Variants in AGBL4 observed in about 807,000 individuals in gnomAD.
AGBL4 encodes AGBL carboxypeptidase 4, also known as cytosolic carboxypeptidase 6.
In AGBL4, 58 loss-of-function variants were observed where a neutral mutation model predicts 66.4. That is an observed-to-expected ratio of 0.87 (90% CI 0.71 to 1.09). The LOEUF (loss-of-function observed/expected upper bound fraction) is 1.09. Ranked by LOEUF, AGBL4 falls within the 50% of genes least tolerant of loss-of-function variation. The probability of loss-of-function intolerance (pLI) is 0.00; values close to 1 mark genes in which losing one functional copy is unlikely to be tolerated. For synonymous variants in AGBL4, 234 were observed against 222.9 expected (o/e 1.05, Z -0.44); for missense variants, 579 against 631.0 (o/e 0.92, Z 0.88).
chr1:49,235,570 G>C (rs1034337747), intron 4 of AGBL4, among the ~76,000 whole-genome samples: 1 of 152,182 alleles, frequency 6.6e-6, no homozygotes, highest in African/African-American at 2.4e-5. Context: ...ATATCTTCTA[G>C]ATTCTATTTC....
chr1:48,744,385 A>G (rs1181832253), intron 6 of AGBL4, among the ~76,000 whole-genome samples: 2 of 152,230 alleles, frequency 1.3e-5, no homozygotes, highest in African/African-American at 4.8e-5. Context: ...AAACAAATTC[A>G]AGTGGAGCAT....
intron 2 of AGBL4, among the ~76,000 whole-genome samples, chr1:49,797,882 G>A (rs1283416640): frequency 6.6e-6 from 1 of 151,752 alleles, no homozygotes; most frequent in African/African-American, 2.4e-5. Flanking sequence ...TCTTGTCTCA[G>A]CCTCCTGAAT....
intron 11 of AGBL4, among the ~76,000 whole-genome samples, chr1:48,545,509 C>G (rs905398869): frequency 6.6e-6 from 1 of 152,138 alleles, no homozygotes; most frequent in Admixed American, 6.5e-5. Context: ...CAATAATTCT[C>G]TTGGCTGGAA....
At chr1:49,509,565 C>T (rs1649014920) in intron 3 of AGBL4, among the ~76,000 whole-genome samples, 1 of 151,828 alleles carries the variant, frequency 6.6e-6, no homozygotes, top group African/African-American at 2.4e-5. Flanking sequence ...AGGGAGGCCT[C>T]TAAATACCAA....
At chr1:49,658,864 G>C (rs1558141038) in intron 3 of AGBL4, among the ~76,000 whole-genome samples, 1 of 151,870 alleles carries the variant, frequency 6.6e-6, no homozygotes, top group South Asian at 2.1e-4. Flanking sequence ...GTTGTGGGGT[G>C]GGGGAATGGG....
chr1:49,888,024 A>AT (rs1648250059), intron 1 of AGBL4, among the ~76,000 whole-genome samples: 1 of 152,110 alleles, frequency 6.6e-6, no homozygotes, highest in Non-Finnish European at 1.5e-5. Flanking sequence ...TTGTTACATA[A>AT]TTTTTTCAGA....
intron 3 of AGBL4, among the ~76,000 whole-genome samples, chr1:49,597,954 A>G (rs547512834): frequency 2.0e-5 from 3 of 152,322 alleles, no homozygotes; most frequent in African/African-American, 7.2e-5. Flanking sequence ...CAATCATGTC[A>G]TCTGCAAACA....
chr1:49,616,254 C>G (rs1645247904), intron 3 of AGBL4, among the ~76,000 whole-genome samples: 1 of 152,144 alleles, frequency 6.6e-6, no homozygotes, highest in South Asian at 2.1e-4. Flanking sequence ...CCAACATCCT[C>G]CACATTTCTA....
At chr1:48,756,915 G>T (rs542115058) in intron 6 of AGBL4, among the ~76,000 whole-genome samples, 52 of 152,338 alleles carry the variant, frequency 3.4e-4, no homozygotes, top group African/African-American at 1.3e-3. Flanking sequence ...GCTAGCCACT[G>T]GCCTGTGCAA....
chr1:48,572,984 G>A (rs759677137), intron 11 of AGBL4, among the ~76,000 whole-genome samples: 1 of 152,188 alleles, frequency 6.6e-6, no homozygotes, highest in Non-Finnish European at 1.5e-5. Flanking sequence ...TCCTTCTGAT[G>A]GAGCTAGGTT....
chr1:49,658,489 C>T (rs905150745), intron 3 of AGBL4, among the ~76,000 whole-genome samples: 1 of 152,056 alleles, frequency 6.6e-6, no homozygotes, highest in Admixed American at 6.5e-5. Flanking sequence ...ACCATTTGAC[C>T]CAGCCATCCC....
chr1:48,733,701 G>GT, intron 6 of AGBL4, among the ~76,000 whole-genome samples: 1 of 152,268 alleles, frequency 6.6e-6, no homozygotes, highest in East Asian at 1.9e-4. Flanking sequence ...ATCTTACGAG[G>GT]TAAGATGATT....
At chr1:48,973,689 T>C (rs1023170618) in intron 5 of AGBL4, among the ~76,000 whole-genome samples, 2 of 152,186 alleles carry the variant, frequency 1.3e-5, no homozygotes, top group African/African-American at 4.8e-5. Context: ...GAAGTACTTC[T>C]ATCTTCAATC....
chr1:50,007,825 C>G (rs1039403655), intron 1 of AGBL4, among the ~76,000 whole-genome samples: 1 of 151,832 alleles, frequency 6.6e-6, no homozygotes, highest in South Asian at 2.1e-4. Flanking sequence ...TGAAAATAAA[C>G]GGATGAAAAA....
At chr1:49,038,306 GT>G (rs1664825642) in intron 5 of AGBL4, among the ~76,000 whole-genome samples, 1 of 152,054 alleles carries the variant, frequency 6.6e-6, no homozygotes, top group Admixed American at 6.6e-5. Flanking sequence ...CTTGAAAACT[GT>G]CCAAAGTTTG....
At chr1:48,646,699 C>A (rs1645842403) in intron 8 of AGBL4, among the ~76,000 whole-genome samples, 1 of 151,970 alleles carries the variant, frequency 6.6e-6, no homozygotes, top group Non-Finnish European at 1.5e-5. Flanking sequence ...CACTATGAGT[C>A]AGAAGGAAGT....
chr1:49,017,907 C>A (rs1662939573), intron 5 of AGBL4, among the ~76,000 whole-genome samples: 1 of 152,172 alleles, frequency 6.6e-6, no homozygotes, highest in African/African-American at 2.4e-5. Flanking sequence ...GACTTAGGAA[C>A]TGGCATTCAG....
intron 4 of AGBL4, among the ~76,000 whole-genome samples, chr1:49,047,875 G>A (rs1023807717): frequency 3.3e-5 from 5 of 152,100 alleles, no homozygotes; most frequent in African/African-American, 1.2e-4. Context: ...GGAAGATGAA[G>A]AGGTCTGAAG....
chr1:48,806,476 T>C (rs1645926541), intron 6 of AGBL4, among the ~76,000 whole-genome samples: 1 of 152,198 alleles, frequency 6.6e-6, no homozygotes, highest in Admixed American at 6.5e-5. Flanking sequence ...TCCCTACCTC[T>C]AGTGCCCCTA....
Sources: gnomAD v4.1 joint callset for allele counts (sites outside exome capture counted in the v4.1 genomes callset) on GRCh38, gnomAD v4.1.1 for gene constraint, MANE v1.5 for transcripts, NCBI Gene and HGNC (gene_info 2026-07-23, HGNC 2026-07-21) for gene names.